The following DENND4A variants were observed in gnomAD, a reference collection of about 807,000 sequenced individuals.
The protein encoded by DENND4A is DENN domain containing 4A, also known as C-myc promoter-binding protein.
In DENND4A, 70 loss-of-function variants were observed where a neutral mutation model predicts 199.3. The observed-to-expected ratio is 0.35, with a 90% CI of 0.29 to 0.43. The LOEUF is 0.43. Among genes scored for constraint, DENND4A ranks in the 20% least tolerant of loss-of-function variants. The pLI is 1.00. For missense variants in DENND4A, 1,723 were observed against 2,255.8 expected, an observed-to-expected ratio of 0.76 and a Z score of 4.78; for synonymous variants, 686 against 766.9, an observed-to-expected ratio of 0.89 and a Z score of 1.74.
intron 1 of DENND4A, among the ~76,000 whole-genome samples, chr15:65,787,387 C>T (rs1254375768): frequency 2.0e-5 from 3 of 152,164 alleles, no homozygotes; most frequent in Non-Finnish European, 2.9e-5. Flanking sequence ...TCACTATTCT[C>T]AGTGAAAATA....
chr15:65,749,738 A>G (rs2140574658), intron 4 of DENND4A, among the ~76,000 whole-genome samples: 1 of 152,322 alleles, frequency 6.6e-6, no homozygotes, highest in East Asian at 1.9e-4. Context: ...ATAATTAAAA[A>G]GTCAATAATT....
At chr15:65,705,422 T>C (rs1439700638) in intron 15 of DENND4A, among the ~76,000 whole-genome samples, 1 of 152,168 alleles carries the variant, frequency 6.6e-6, no homozygotes, top group East Asian at 1.9e-4. Context: ...TAAATGCATA[T>C]TGGGAACTAA....
intron 4 of DENND4A, among the ~76,000 whole-genome samples, chr15:65,742,908 T>C (rs1228943443): frequency 1.3e-5 from 2 of 152,248 alleles, no homozygotes. Context: ...AATATATACA[T>C]AATTTATTTA....
At chr15:65,680,753 A>T (rs1263962275) in intron 23 of DENND4A, 1 of 152,226 alleles carries the variant, frequency 6.6e-6, no homozygotes, top group Non-Finnish European at 1.5e-5. Context: ...GTCGCAATAA[A>T]GCAAACCACA....
intron 9 of DENND4A, chr15:65,731,329 T>C: frequency 2.7e-6 from 1 of 369,602 alleles, no homozygotes; most frequent in Admixed American, 3.5e-5. Context: ...TGCATTTGAA[T>C]GTTCTTCAGA....
chr15:65,738,770 G>A lies in DENND4A; in HGVS notation c.737C>T (p.Ser246Leu). 1 of 1,612,930 alleles carries A rather than the reference G, an allele frequency of 6.2e-7. No individual in the cohort carries two copies. The highest frequency in any genetic ancestry group is 8.5e-7 in the Non-Finnish European group (1 of 1,179,350). Reference sequence around the variant, plus strand: ...TACAGGCAGAGGGTATTTGCTATTTGATGGCCAACATTCAATGGTTGCACC... The same window carrying A: ...TACAGGCAGAGGGTATTTGCTATTTAATGGCCAACATTCAATGGTTGCACC... ...PMGATIECWP[S>L]NSKYPLPVFS... Residue 246 changes from serine (S) to leucine (L), a missense_variant, in exon 6 of 33, where the codon TCA (serine) becomes TTA (leucine). Physicochemically the swap from Ser to Leu is moderately radical, Grantham distance 145 (BLOSUM62 -2). Coordinates refer to ENST00000443035, the MANE Select transcript of DENND4A (RefSeq NM_001320835.1).
At chr15:65,738,253 G>A (rs960380026) in intron 6 of DENND4A, among the ~76,000 whole-genome samples, 2 of 152,132 alleles carry the variant, frequency 1.3e-5, no homozygotes, top group Non-Finnish European at 2.9e-5. Context: ...TTGGTAGAAA[G>A]TGAGATGAAA....
intron 4 of DENND4A, among the ~76,000 whole-genome samples, chr15:65,750,773 G>C (rs1731297777): frequency 6.6e-6 from 1 of 151,250 alleles, no homozygotes. Context: ...ACAAAGACAA[G>C]ACAGTTAAGG....
chr15:65,726,404 G>T (rs2075804533), intron 11 of DENND4A, among the ~76,000 whole-genome samples: 1 of 152,170 alleles, frequency 6.6e-6, no homozygotes. Context: ...AGGAAAAGTT[G>T]TATTACTTTA....
chr15:65,756,538 G>T, intron 2 of DENND4A, 66 bp from the exon 3 acceptor site: 1 of 1,240,210 alleles, frequency 8.1e-7, no homozygotes, highest in Non-Finnish European at 1.1e-6. Flanking sequence ...TGGTTTGTGT[G>T]CAAATAAGAA....
intron 9 of DENND4A, among the ~76,000 whole-genome samples, chr15:65,730,861 A>G (rs1266114262): frequency 6.6e-6 from 1 of 152,088 alleles, no homozygotes; most frequent in Non-Finnish European, 1.5e-5. Context: ...ATACACTTTA[A>G]TTGGGTGAAT....
At chr15:65,772,396 A>G (rs2077158192) in intron 1 of DENND4A, among the ~76,000 whole-genome samples, 1 of 152,114 alleles carries the variant, frequency 6.6e-6, no homozygotes, top group South Asian at 2.1e-4. Context: ...TGTCCGAACC[A>G]ATCATGAAAG....
At chr15:65,677,486 C>T (rs542209007) in intron 23 of DENND4A, among the ~76,000 whole-genome samples, 5 of 152,010 alleles carry the variant, frequency 3.3e-5, no homozygotes, top group East Asian at 1.9e-4. Flanking sequence ...TGGAATTACA[C>T]GCCTGAGCCA....
At chr15:65,692,770 A>T (rs1596452868) in intron 22 of DENND4A, among the ~76,000 whole-genome samples, 2 of 152,296 alleles carry the variant, frequency 1.3e-5, no homozygotes, top group South Asian at 4.1e-4. Context: ...AATATTACTA[A>T]AGACCTGGAG....
At chr15:65,776,389 G>T (rs1273819228) in intron 1 of DENND4A, among the ~76,000 whole-genome samples, 1 of 152,152 alleles carries the variant, frequency 6.6e-6, no homozygotes, top group Non-Finnish European at 1.5e-5. Flanking sequence ...TTAAAAAAGG[G>T]AGACATTTTT....
At chr15:65,665,300 A>G (rs933556309) in intron 30 of DENND4A, 45 bp downstream of exon 30, 1 of 1,472,012 alleles carries the variant, frequency 6.8e-7, no homozygotes, top group African/African-American at 1.4e-5. Flanking sequence ...GCTAGTAGAG[A>G]TTACTCTCAT....
intron 24 of DENND4A, 57 bp downstream of exon 24, chr15:65,676,388 C>T: frequency 7.5e-7 from 1 of 1,331,374 alleles, no homozygotes; most frequent in Non-Finnish European, 1.0e-6. Flanking sequence ...GTGAAAGTGT[C>T]ACAATTCAAA....
chr15:65,675,450 A>G (rs2076344894), intron 24 of DENND4A, among the ~76,000 whole-genome samples: 2 of 152,024 alleles, frequency 1.3e-5, no homozygotes, highest in Non-Finnish European at 2.9e-5. Flanking sequence ...AGAATTTAAA[A>G]CTTACATATG....
chr15:65,771,227 C>T (rs2077116349), intron 1 of DENND4A: 1 of 1,606,132 alleles, frequency 6.2e-7, no homozygotes, highest in African/African-American at 1.3e-5. Flanking sequence ...GTTGTCCATG[C>T]TCAAGGCATC....
Sources: gnomAD v4.1 joint callset for allele counts (sites outside exome capture counted in the v4.1 genomes callset) on GRCh38, gnomAD v4.1.1 for gene constraint, MANE v1.5 for transcripts, NCBI Gene and HGNC (gene_info 2026-07-23, HGNC 2026-07-21) for gene names.